The following EDAR variants were observed in gnomAD, a reference collection of about 807,000 sequenced individuals.
The protein encoded by EDAR is ectodysplasin A receptor, also known as tumor necrosis factor receptor superfamily member EDAR.
A neutral mutation model predicts 51.3 loss-of-function variants in EDAR; 38 were observed. The ratio of observed to expected loss-of-function variants is 0.74; its 90% confidence interval spans 0.57 to 0.97. The LOEUF (loss-of-function observed/expected upper bound fraction) is 0.97, where lower values mean the gene tolerates loss of function less well. Ranked by LOEUF, EDAR falls within the 50% of genes least tolerant of loss-of-function variation. The pLI is 0.00. For synonymous variants in EDAR, 227 were observed against 242.1 expected, an observed-to-expected ratio of 0.94 and a Z score of 0.58; for missense variants, 528 against 595.0, an observed-to-expected ratio of 0.89 and a Z score of 1.17.
chr2:108,907,935 G>A lies in EDAR; in HGVS notation c.888C>T (p.Gly296=). ...SDEEPAPDKQ[G]SPELCLLSLV... ...GCGACAGCAGGCACAGCTCCGGGGA[G>A]CCCTGCTTGTCAGGGGCGGGCTCCT... is the stretch of plus-strand genomic sequence containing the variant. The change falls in exon 10 of 12, where the codon GGC becomes GGT. Residue 296 remains glycine, a synonymous_variant. Transcript: ENST00000258443. 6.2e-7 allele frequency: 1 copy of A among 1,613,716 alleles called. No individual in the cohort carries two copies. Among genetic ancestry groups the A allele is most frequent in the African/African-American group, 1.3e-5 (1 of 75,060 alleles).
intron 1 of EDAR, among the ~76,000 whole-genome samples, chr2:108,966,429 T>C (rs1574409673): frequency 6.6e-6 from 1 of 152,132 alleles, no homozygotes; most frequent in Non-Finnish European, 1.5e-5. Flanking sequence ...TCCTCTGGAG[T>C]GACTCCTCAC....
intron 5 of EDAR, among the ~76,000 whole-genome samples, chr2:108,919,735 G>C (rs1300377511): frequency 6.6e-6 from 1 of 152,172 alleles, no homozygotes; most frequent in Non-Finnish European, 1.5e-5. Context: ...TTGAACTGTA[G>C]CCGGGCCAGA....
At chr2:108,924,293 G>A (rs537684944) in intron 4 of EDAR, among the ~76,000 whole-genome samples, 5 of 152,298 alleles carry the variant, frequency 3.3e-5, no homozygotes, top group Middle Eastern at 3.4e-3. Flanking sequence ...CCCTGCAGCC[G>A]TCCCGCTCCC....
Position 108,908,075 on chromosome 2 carries a change from C to A in EDAR, c.804-56G>T, listed in dbSNP as rs1226561373. On this transcript the variant is annotated intron_variant, in intron 9 of 11. Transcript: ENST00000258443. The stretch of plus-strand genomic sequence containing the variant: ...GTGCCTGGGGGGGCTGCAGCCCTGA[C>A]AAGTTCTCCTGTGGTGAACTTGTCC... 1.9e-6 allele frequency: 3 copies of A among 1,539,962 alleles called. No homozygotes were observed. In the East Asian group the frequency reaches 7.0e-5, roughly 36 times the overall value.
rs141791862 is a variant in EDAR at position 108,931,799 on chromosome 2, G to A, written c.-18-767C>T. Among the ~76,000 whole-genome samples the A allele has an allele frequency of 5.5e-4, 84 of 152,042 alleles. 1 individual carries two copies. Among genetic ancestry groups the A allele is most frequent in the African/African-American group, 2.0e-3 (82 of 41,430 alleles). On this transcript the variant is annotated intron_variant, in intron 1 of 11. Transcript: ENST00000258443. Reference sequence around the variant, plus strand: ...TTCTGACTCAAAGCAATTTTACTTGGTAGTCTGGGTATTAATTAGCCTGGC... The same window carrying A: ...TTCTGACTCAAAGCAATTTTACTTGATAGTCTGGGTATTAATTAGCCTGGC...
At chr2:108,920,436 G>C (rs1176262013) in intron 5 of EDAR, among the ~76,000 whole-genome samples, 1 of 152,214 alleles carries the variant, frequency 6.6e-6, no homozygotes, top group Non-Finnish European at 1.5e-5. Context: ...GCAGGATGGT[G>C]CAGGGAAAAC....
At chr2:108,934,678 T>A (rs370574036) in intron 1 of EDAR, among the ~76,000 whole-genome samples, 6 of 151,930 alleles carry the variant, frequency 3.9e-5, no homozygotes, top group African/African-American at 1.4e-4. Flanking sequence ...GATAAGAGAG[T>A]GCAAGCAGGG....
intron 1 of EDAR, among the ~76,000 whole-genome samples, chr2:108,968,470 C>A (rs1261100695): frequency 6.6e-6 from 1 of 152,146 alleles, no homozygotes. Context: ...GCAGTTCTAA[C>A]CAGGATGAGG....
chr2:108,913,195 C>T (rs13021382), intron 5 of EDAR, among the ~76,000 whole-genome samples: 94 of 152,022 alleles, frequency 6.2e-4, no homozygotes, highest in African/African-American at 2.0e-3. Flanking sequence ...GTGATCTGCC[C>T]GCCTCGGCCT....
At chr2:108,926,095 C>T (rs904225879) in intron 4 of EDAR, among the ~76,000 whole-genome samples, 9 of 152,164 alleles carry the variant, frequency 5.9e-5, no homozygotes, top group South Asian at 2.1e-4. Context: ...AACTCCTCAC[C>T]GCCTGGCTTA....
chr2:108,923,585 T>A, intron 4 of EDAR, 132 bp from the exon 5 acceptor site: 1 of 746,778 alleles, frequency 1.3e-6, no homozygotes, highest in South Asian at 1.5e-5. Flanking sequence ...GCCCACTCAG[T>A]CACCTGCTCT....
At chr2:108,959,053 G>C (rs1220088644) in intron 1 of EDAR, among the ~76,000 whole-genome samples, 1 of 152,254 alleles carries the variant, frequency 6.6e-6, no homozygotes, top group East Asian at 1.9e-4. Context: ...ATCATGCTTA[G>C]AAAGTGGGTT....
At chr2:108,905,253 G>C (rs1328960457) in intron 11 of EDAR, among the ~76,000 whole-genome samples, 2 of 152,140 alleles carry the variant, frequency 1.3e-5, no homozygotes, top group Non-Finnish European at 2.9e-5. Context: ...CCAGGGGTGT[G>C]AACTCAACAT....
At chr2:108,958,733 A>AGG (rs1198031545) in intron 1 of EDAR, among the ~76,000 whole-genome samples, 1 of 152,258 alleles carries the variant, frequency 6.6e-6, no homozygotes, top group Non-Finnish European at 1.5e-5. Context: ...CTGGCCCAGG[A>AGG]GACCTAAAGC....
At chr2:108,952,465 T>C (rs1697844323) in intron 1 of EDAR, among the ~76,000 whole-genome samples, 1 of 152,256 alleles carries the variant, frequency 6.6e-6, no homozygotes, top group Non-Finnish European at 1.5e-5. Context: ...CTGACTTTAA[T>C]TCACTGCTTC....
chr2:108,986,703 T>C (rs1306426199), intron 1 of EDAR, among the ~76,000 whole-genome samples: 2 of 152,350 alleles, frequency 1.3e-5, no homozygotes, highest in South Asian at 2.1e-4. Flanking sequence ...CATAGAAATG[T>C]ACAGCAGAGG....
chr2:108,953,162 T>C (rs1370553570), intron 1 of EDAR, among the ~76,000 whole-genome samples: 2 of 152,246 alleles, frequency 1.3e-5, no homozygotes, highest in Non-Finnish European at 2.9e-5. Context: ...TTGGAGTCTC[T>C]ATTGAAAGCT....
At chr2:108,960,613 T>C (rs1698020185) in intron 1 of EDAR, among the ~76,000 whole-genome samples, 1 of 152,212 alleles carries the variant, frequency 6.6e-6, no homozygotes, top group Admixed American at 6.5e-5. Context: ...TTTTTTTTCA[T>C]ATTTTCCTGA....
Position 108,986,407 on chromosome 2 carries a change from T to C in EDAR, c.-19+2553A>G, listed in dbSNP as rs116475987. 9.8e-3 allele frequency among the ~76,000 whole-genome samples: 1,487 copies of C among 152,292 alleles called. 19 individuals are homozygous for C. Among genetic ancestry groups the C allele is most frequent in the Middle Eastern group, 0.02 (6 of 294 alleles). ...GGGGGAGTGTTTGCTTACTCCACTC[T>C]TATTTTTATAATCCCTGGTGGCTGT... On this transcript the variant is annotated intron_variant, in intron 1 of 11. Coordinates refer to ENST00000258443, the MANE Select transcript of EDAR (RefSeq NM_022336.4).
Sources: allele counts gnomAD v4.1 joint callset (sites outside exome capture counted in the v4.1 genomes callset), GRCh38; gene constraint gnomAD v4.1.1; transcripts MANE v1.5; gene names NCBI Gene and HGNC (gene_info 2026-07-23, HGNC 2026-07-21).